Variants in GMFB observed in about 807,000 individuals in gnomAD.
GMFB encodes GMF-beta.
Under a neutral mutation model 25.6 loss-of-function variants are expected in GMFB, and 13 were observed. The observed-to-expected ratio is 0.51, with a 90% CI of 0.33 to 0.81. The LOEUF is 0.81. Ranked by LOEUF, GMFB falls within the 30% of genes least tolerant of loss-of-function variation. GMFB has a pLI of 0.02. For missense variants in GMFB, 146 were observed against 175.4 expected (o/e 0.83, Z 0.95); for synonymous variants, 57 against 56.9 (o/e 1.00, Z 0.00).
rs1009188377 is a variant in GMFB, at chr14:54,475,243, G to C, written c.*2845C>G. The stretch of plus-strand genomic sequence containing the variant: ...TTCCTTAATATCTATATGGGTTGGG[G>C]GGAACAGCCAAATTTAATTTGGCAA... On this transcript the variant is annotated 3_prime_UTR_variant, in exon 7 of 7. Transcript: ENST00000358056. The C allele has an allele frequency of 6.6e-6, 1 of 152,462 alleles. No homozygotes were observed. Among genetic ancestry groups the C allele is most frequent in the Non-Finnish European group, 1.5e-5 (1 of 67,960 alleles). 9.4% of individuals were successfully genotyped at this position (152,462 alleles called of 1,614,324 possible).
chr14:54,483,833 A>G (rs2031746419), intron 1 of GMFB, 66 bp from the exon 2 acceptor site: 2 of 869,584 alleles, frequency 2.3e-6, no homozygotes, highest in Admixed American at 1.8e-5. Flanking sequence ...TAAAGTTATG[A>G]AACCTAATAC....
intron 1 of GMFB, among the ~76,000 whole-genome samples, chr14:54,487,738 C>T (rs1191192174): frequency 6.6e-6 from 1 of 152,116 alleles, no homozygotes; most frequent in East Asian, 1.9e-4. Flanking sequence ...ACATACAGAT[C>T]TGGATTGGAT....
In GMFB at chr14:54,488,821, G is replaced by A. The variant is rs1467311193; in HGVS notation, c.3+104C>T. 1.4e-5 allele frequency: 12 copies of A among 881,070 alleles called. No individual in the cohort carries two copies. In the East Asian group the frequency reaches 3.8e-4, roughly 28 times the overall value. 54.6% of individuals were successfully genotyped at this position (881,070 alleles called of 1,614,324 possible). A position where few individuals can be genotyped will look rare whatever the true frequency, so the allele number is the denominator to read the frequency against. ...TGCTGGGAGCGGAAGCGGCCGCCGA[G>A]CCCTCCTGGGCGCTGCCCGCCGCCG... On this transcript the variant is annotated intron_variant, in intron 1 of 6. Coordinates refer to ENST00000358056, the MANE Select transcript of GMFB (RefSeq NM_004124.3).
chr14:54,485,907 C>T (rs2031775104), intron 1 of GMFB, among the ~76,000 whole-genome samples: 1 of 152,222 alleles, frequency 6.6e-6, no homozygotes, highest in African/African-American at 2.4e-5. Context: ...GGAAAGGACA[C>T]TCTCTCCAAT....
intron 1 of GMFB, among the ~76,000 whole-genome samples, chr14:54,486,671 ACT>A (rs1277118991): frequency 1.3e-5 from 2 of 152,194 alleles, no homozygotes; most frequent in African/African-American, 4.8e-5. Context: ...TGAGAGAAAC[ACT>A]GTTATATCCT....
rs1237886996 is a variant in GMFB, at chr14:54,474,916, G to A, written c.*3172C>T. The stretch of plus-strand genomic sequence containing the variant: ...GGGAGCATTGGTTTTAAGCGGTCTA[G>A]AAGATTACTACATTCTTCCAGAAAT... On this transcript the variant is annotated 3_prime_UTR_variant, in exon 7 of 7. Coordinates refer to ENST00000358056, the MANE Select transcript of GMFB (RefSeq NM_004124.3). The A allele has an allele frequency of 6.6e-6, 1 of 152,600 alleles. No individual in the cohort carries two copies. The highest frequency in any genetic ancestry group is 6.5e-5 in the Admixed American group (1 of 15,284). The allele number at this position is 152,600 out of a possible 1,614,324, so 9.5% of individuals were successfully genotyped here.
chr14:54,479,591 T>G, intron 6 of GMFB, 195 bp downstream of exon 6: 2 of 472,312 alleles, frequency 4.2e-6, no homozygotes, highest in Non-Finnish European at 7.6e-6. Context: ...AATCAACTTA[T>G]TCAAAAAATA....
intron 6 of GMFB, chr14:54,479,196 A>C (rs1399289122): frequency 6.6e-6 from 1 of 152,184 alleles, no homozygotes; most frequent in Non-Finnish European, 1.5e-5. Context: ...CAAAACCTTA[A>C]GTGCATATAC....
intron 1 of GMFB, among the ~76,000 whole-genome samples, chr14:54,488,045 A>G (rs945874437): frequency 2.6e-5 from 4 of 152,214 alleles, no homozygotes; most frequent in Non-Finnish European, 5.9e-5. Context: ...AAGGTCAGAG[A>G]AGACGAAAAC....
At chr14:54,488,698 G>T in intron 1 of GMFB, 1 of 484,726 alleles carries the variant, frequency 2.1e-6, no homozygotes, top group Non-Finnish European at 3.6e-6. Context: ...CCCATGGCCC[G>T]CTGGGCGGGT....
chr14:54,487,760 G>A (rs1290402238), intron 1 of GMFB, among the ~76,000 whole-genome samples: 1 of 152,150 alleles, frequency 6.6e-6, no homozygotes, highest in African/African-American at 2.4e-5. Flanking sequence ...TCAGAAGCAA[G>A]GTCTTCTGAG....
chr14:54,479,999 G>C, intron 5 of GMFB, 140 bp from the exon 6 acceptor site: 1 of 595,094 alleles, frequency 1.7e-6, no homozygotes, highest in Non-Finnish European at 3.0e-6. Context: ...GTTGTATTTT[G>C]AGTCTTACAT....
At chr14:54,479,609 G>T in intron 6 of GMFB, 177 bp downstream of exon 6, 1 of 478,918 alleles carries the variant, frequency 2.1e-6, no homozygotes, top group South Asian at 3.4e-5. Flanking sequence ...ATACACTTTG[G>T]TTCAAACGCT....
chr14:54,485,169 AG>A (rs2031765352), intron 1 of GMFB, among the ~76,000 whole-genome samples: 1 of 152,164 alleles, frequency 6.6e-6, no homozygotes, highest in African/African-American at 2.4e-5. Flanking sequence ...TGGGAGTCCT[AG>A]CCAGAGCAGT....
chr14:54,481,996 T>A (rs998081248), intron 3 of GMFB, 157 bp downstream of exon 3: 2 of 593,802 alleles, frequency 3.4e-6, no homozygotes, highest in Non-Finnish European at 6.1e-6. Context: ...ATTAGCAATA[T>A]CACAAACTAC....
intron 3 of GMFB, among the ~76,000 whole-genome samples, chr14:54,481,810 T>C (rs1194800917): frequency 6.6e-6 from 1 of 152,156 alleles, no homozygotes; most frequent in Non-Finnish European, 1.5e-5. Context: ...CTTTTTACTC[T>C]AGTTACTTAA....
In GMFB at chr14:54,477,034, A is replaced by G. The variant is rs2031648852; in HGVS notation, c.*1054T>C. The G allele has an allele frequency of 6.6e-6, 1 of 152,038 alleles. No homozygotes were observed. Among genetic ancestry groups the G allele is most frequent in the African/African-American group, 2.4e-5 (1 of 41,432 alleles). 9.4% of individuals were successfully genotyped at this position (152,038 alleles called of 1,614,324 possible). A position where few individuals can be genotyped will look rare whatever the true frequency, so the allele number is the denominator to read the frequency against. On this transcript the variant is annotated 3_prime_UTR_variant, in exon 7 of 7. Coordinates refer to ENST00000358056, the MANE Select transcript of GMFB (RefSeq NM_004124.3). Reference sequence around the variant, plus strand: ...TGTTAATGTTATTAACTATGGCCAAAGTTTTAAGATAATTTTTTCCTATGG... The same window carrying G: ...TGTTAATGTTATTAACTATGGCCAAGGTTTTAAGATAATTTTTTCCTATGG...
intron 2 of GMFB, 43 bp from the exon 3 acceptor site, chr14:54,482,245 G>A (rs779567519): frequency 7.8e-7 from 1 of 1,282,132 alleles, no homozygotes; most frequent in Non-Finnish European, 1.1e-6. Context: ...ATTCTAATGT[G>A]ACCCTGATCT....
chr14:54,478,081 G>A lies in GMFB; in HGVS notation c.*7C>T. 7.7e-7 allele frequency: 1 copy of A among 1,292,042 alleles called. No homozygotes were observed. Among genetic ancestry groups the A allele is most frequent in the African/African-American group, 1.5e-5 (1 of 66,388 alleles). The allele number at this position is 1,292,042 out of a possible 1,614,324, so 80.0% of individuals were successfully genotyped here. On this transcript the variant is annotated 3_prime_UTR_variant, in exon 7 of 7. Transcript: ENST00000358056. ...ACATAAATACTTTAGAAACACAGAAGTTCACATTAGTGAAAAAATCCAAGT... is the reference window on the plus strand; with the variant it reads ...ACATAAATACTTTAGAAACACAGAAATTCACATTAGTGAAAAAATCCAAGT...
Sources: gnomAD v4.1 joint callset for allele counts (sites outside exome capture counted in the v4.1 genomes callset) on GRCh38, gnomAD v4.1.1 for gene constraint, MANE v1.5 for transcripts, NCBI Gene and HGNC (gene_info 2026-07-23, HGNC 2026-07-21) for gene names.